Variants in SLC35F3 observed in about 807,000 individuals in gnomAD.
SLC35F3 encodes the protein solute carrier family 35 member F3, also known as putative thiamine transporter SLC35F3.
A neutral mutation model predicts 49.9 loss-of-function variants in SLC35F3; 25 were observed. That is an observed-to-expected ratio of 0.50 (90% CI 0.37 to 0.70). The LOEUF is 0.70. SLC35F3 is among the 30% of genes least tolerant of loss of function. The pLI is 0.00. For synonymous variants in SLC35F3, 275 were observed against 265.4 expected (o/e 1.04, Z -0.35); for missense variants, 525 against 639.8 (o/e 0.82, Z 1.94).
intron 3 of SLC35F3, among the ~76,000 whole-genome samples, chr1:234,235,797 G>A (rs950632929): frequency 3.9e-5 from 6 of 152,202 alleles, no homozygotes; most frequent in African/African-American, 1.4e-4. Flanking sequence ...AAAGGGAAAA[G>A]GGCAGTTTAG....
intron 2 of SLC35F3, among the ~76,000 whole-genome samples, chr1:234,031,015 A>G (rs1351966140): frequency 6.6e-6 from 1 of 152,186 alleles, no homozygotes. Context: ...GCCTGTTACC[A>G]TCATTCATGT....
intron 2 of SLC35F3, among the ~76,000 whole-genome samples, chr1:234,062,140 G>T (rs1331656819): frequency 1.3e-5 from 2 of 152,128 alleles, no homozygotes; most frequent in Non-Finnish European, 2.9e-5. Flanking sequence ...ACTTGGAATT[G>T]CTCTTTGCTT....
At chr1:233,976,891 G>A (rs570662371) in intron 2 of SLC35F3, among the ~76,000 whole-genome samples, 2 of 152,270 alleles carry the variant, frequency 1.3e-5, no homozygotes, top group South Asian at 2.1e-4. Context: ...AATTACAGGC[G>A]TGAGCCACCA....
intron 2 of SLC35F3, among the ~76,000 whole-genome samples, chr1:234,000,016 A>G (rs1663526993): frequency 6.6e-6 from 1 of 152,212 alleles, no homozygotes; most frequent in Non-Finnish European, 1.5e-5. Flanking sequence ...TGTTCCTAGA[A>G]AAGCCCTTTA....
intron 2 of SLC35F3, among the ~76,000 whole-genome samples, chr1:234,142,315 G>T (rs1665928684): frequency 6.6e-6 from 1 of 152,154 alleles, no homozygotes; most frequent in East Asian, 1.9e-4. Flanking sequence ...TGGACTCTTG[G>T]ACTCTTTGCA....
In SLC35F3 at chr1:234,231,750, G is replaced by C; in HGVS notation, c.608+9G>C. On this transcript the variant is annotated intron_variant, in intron 3 of 7. Transcript: ENST00000366618. This position sits in a 1 kb window ranked among gnomAD's most constrained non-coding sequence, Gnocchi z 5.4. Reference sequence around the variant, plus strand: ...GTGAAGCAGCGATACAGGTAGGCGCGTCCTGCATGAGGAGGCCTCCTGACC... The same window carrying C: ...GTGAAGCAGCGATACAGGTAGGCGCCTCCTGCATGAGGAGGCCTCCTGACC... 1 of 1,587,474 alleles carries C rather than the reference G, an allele frequency of 6.3e-7. No homozygotes were observed. Among genetic ancestry groups the C allele is most frequent in the Non-Finnish European group, 8.6e-7 (1 of 1,163,730 alleles).
rs2102883075 is a variant in SLC35F3, at chr1:234,102,617, A to C, written c.284-128800A>C. Among the ~76,000 whole-genome samples, 2 of 152,308 alleles carry C rather than the reference A, an allele frequency of 1.3e-5. 1 individual carries two copies. Among genetic ancestry groups the C allele is most frequent in the African/African-American group, 4.8e-5 (2 of 41,562 alleles). ...TCATTGCCCAGGAGGTGAGAATCAA[A>C]CTGGGATGAAAAGCATCAGAAACCC... On this transcript the variant is annotated intron_variant, in intron 2 of 7. Coordinates refer to ENST00000366618, the MANE Select transcript of SLC35F3 (RefSeq NM_173508.4).
At chr1:234,275,850 A>G (rs11584473) in intron 3 of SLC35F3, among the ~76,000 whole-genome samples, 50,315 of 151,652 alleles carry the variant, frequency 0.33, 8,758 homozygotes, top group Non-Finnish European at 0.37. Flanking sequence ...GCCAGGTACT[A>G]TTCTAAGCAC....
At position 234,323,898 on chromosome 1, in the gene SLC35F3, T is replaced by C. The variant is rs530175895; in HGVS notation, c.*655T>C. The C allele has an allele frequency of 3.3e-5, 5 of 152,610 alleles. No individual in the cohort carries two copies. Among genetic ancestry groups the C allele is most frequent in the African/African-American group, 1.2e-4 (5 of 41,586 alleles). The allele number at this position is 152,610 out of a possible 1,614,324, so 9.5% of individuals were successfully genotyped here. A position where few individuals can be genotyped will look rare whatever the true frequency, so the allele number is the denominator to read the frequency against. ...GCTCTCACGTGTCTGTGTAAGATCATGCAAGAGAAATCACAGTGCCTTCTA... is the reference window on the plus strand; with the variant it reads ...GCTCTCACGTGTCTGTGTAAGATCACGCAAGAGAAATCACAGTGCCTTCTA... On this transcript the variant is annotated 3_prime_UTR_variant, in exon 8 of 8. Transcript: ENST00000366618. The surrounding 1 kb of genome is among the most constrained non-coding windows in gnomAD (Gnocchi z 4.5).
chr1:233,906,829 G>T (rs746683031), intron 2 of SLC35F3, among the ~76,000 whole-genome samples: 1 of 152,196 alleles, frequency 6.6e-6, no homozygotes, highest in Non-Finnish European at 1.5e-5. Context: ...TGGTATGCTA[G>T]CAGTTAGCTG....
chr1:234,306,702 C>A (rs976301777), intron 3 of SLC35F3, among the ~76,000 whole-genome samples: 1 of 152,124 alleles, frequency 6.6e-6, no homozygotes, highest in Admixed American at 6.5e-5. Context: ...GGGATCCCCA[C>A]TCTCTCCCCA....
intron 2 of SLC35F3, among the ~76,000 whole-genome samples, chr1:234,100,366 A>G (rs1360724239): frequency 1.3e-5 from 2 of 152,198 alleles, no homozygotes; most frequent in Non-Finnish European, 2.9e-5. Flanking sequence ...TATTATTTAG[A>G]TGCACCTATA....
intron 2 of SLC35F3, among the ~76,000 whole-genome samples, chr1:234,073,940 A>G (rs963540484): frequency 2.6e-5 from 4 of 152,108 alleles, no homozygotes; most frequent in Non-Finnish European, 5.9e-5. Context: ...AAGTGTCTTT[A>G]TATTGTGTAT....
At position 234,163,533 on chromosome 1, in the gene SLC35F3, G is replaced by A. The variant is rs549292142; in HGVS notation, c.284-67884G>A. Among the ~76,000 whole-genome samples the A allele has an allele frequency of 3.9e-4, 59 of 152,310 alleles. 1 individual carries two copies. The South Asian group carries it at 8.7e-3, about 22-fold the overall frequency. On this transcript the variant is annotated intron_variant, in intron 2 of 7. Transcript: ENST00000366618. ...TGTGTTCAGTGATGGAGGGAGAAGG[G>A]CAAGGAAAACAAATGGTGAGTGAGA...
At chr1:233,958,536 G>C (rs1662742381) in intron 2 of SLC35F3, among the ~76,000 whole-genome samples, 1 of 152,230 alleles carries the variant, frequency 6.6e-6, no homozygotes, top group Admixed American at 6.5e-5. Context: ...GTTCAACCAA[G>C]TGACATCTGA....
intron 3 of SLC35F3, among the ~76,000 whole-genome samples, chr1:234,240,900 G>A (rs551418614): frequency 3.9e-5 from 6 of 152,344 alleles, no homozygotes; most frequent in African/African-American, 1.4e-4. Flanking sequence ...CCTGACAGGA[G>A]GGGCAGAGAA....
chr1:234,120,922 T>C (rs1268409519), intron 2 of SLC35F3, among the ~76,000 whole-genome samples: 1 of 152,196 alleles, frequency 6.6e-6, no homozygotes, highest in Non-Finnish European at 1.5e-5. Flanking sequence ...AAATGTTTTT[T>C]ATGTGTCTTA....
At chr1:234,115,031 T>TATG (rs1420638604) in intron 2 of SLC35F3, among the ~76,000 whole-genome samples, 1 of 152,148 alleles carries the variant, frequency 6.6e-6, no homozygotes, top group African/African-American at 2.4e-5. Flanking sequence ...AACGGGTCAA[T>TATG]ATGATGAGGT....
intron 2 of SLC35F3, among the ~76,000 whole-genome samples, chr1:234,121,865 C>T (rs981909152): frequency 6.6e-6 from 1 of 152,214 alleles, no homozygotes; most frequent in Admixed American, 6.5e-5. Context: ...TTTCCAGCTA[C>T]ATCCACATCG....
Sources: gnomAD v4.1 joint callset for allele counts (sites outside exome capture counted in the v4.1 genomes callset) on GRCh38, gnomAD v4.1.1 for gene constraint, Gnocchi (gnomAD v3.1) non-coding constraint, MANE v1.5 for transcripts, NCBI Gene and HGNC (gene_info 2026-07-23, HGNC 2026-07-21) for gene names.